RGS3: variants seen among roughly 807,000 people sequenced by gnomAD.
RGS3 encodes the protein regulator of G protein signaling 3.
RGS3 carries 80 observed loss-of-function variants against 132.6 expected under a neutral mutation model. That is an observed-to-expected ratio of 0.60 (90% CI 0.50 to 0.73). The LOEUF is 0.73. Among genes scored for constraint, RGS3 ranks in the 30% least tolerant of loss-of-function variants. The pLI, the probability that RGS3 is intolerant of heterozygous loss-of-function variation, is 0.00. For missense variants in RGS3, 1,382 were observed against 1,530.8 expected (o/e 0.90, Z 1.62); for synonymous variants, 598 against 620.6 (o/e 0.96, Z 0.54).
chr9:113,505,586 A>C, intron 11 of RGS3, 63 bp downstream of exon 9: 1 of 1,350,960 alleles, frequency 7.4e-7, no homozygotes, highest in Non-Finnish European at 1.1e-6. Context: ...CTTTGCAAAC[A>C]TAGTCTGGAA....
rs781202085 is a variant in RGS3 at position 113,507,223 on chromosome 9, C to T, written c.1086-64C>T. 4.8e-5 allele frequency: 65 copies of T among 1,365,298 alleles called. No individual in the cohort carries two copies. Among genetic ancestry groups the T allele is most frequent in the Non-Finnish European group, 6.4e-5 (63 of 989,864 alleles). The allele number at this position is 1,365,298 out of a possible 1,614,324, so 84.6% of individuals were successfully genotyped here. On this transcript the variant is annotated intron_variant, in intron 12 of 24. Transcript: ENST00000350696. This position sits in a 1 kb window ranked among gnomAD's most constrained non-coding sequence, Gnocchi z 5.0. ...CATTATCCTCTCTGCCCTGTGGGCC[C>T]TCACTCTGGCTGATACTGGCTTTCC...
chr9:113,527,267 C>A (rs1408740965), intron 17 of RGS3, among the ~76,000 whole-genome samples: 1 of 152,212 alleles, frequency 6.6e-6, no homozygotes. Flanking sequence ...ATCTCCTGGA[C>A]TTTCCTCTCC....
rs1199181606 is a variant in RGS3 at position 113,537,349 on chromosome 9, C to G, written c.2037+431C>G. Among the ~76,000 whole-genome samples, 1 of 152,186 alleles carries G rather than the reference C, an allele frequency of 6.6e-6. No individual in the cohort carries two copies. Among genetic ancestry groups the G allele is most frequent in the Non-Finnish European group, 1.5e-5 (1 of 68,040 alleles). On this transcript the variant is annotated intron_variant, in intron 19 of 24. Coordinates refer to ENST00000350696, the Ensembl canonical transcript of RGS3. This position sits in a 1 kb window ranked among gnomAD's most constrained non-coding sequence, Gnocchi z 4.3. ...TGTTTGCGGCAGAAGCTGTTGTATG[C>G]TGTATAGTTCCATGTGGGCCAGAGC...
intron 14 of RGS3, among the ~76,000 whole-genome samples, chr9:113,509,610 C>T (rs988235828): frequency 6.6e-6 from 1 of 152,178 alleles, no homozygotes; most frequent in Non-Finnish European, 1.5e-5. Context: ...TGAGATCCTT[C>T]GCGTGCCTGC....
At position 113,565,812 on chromosome 9, in the gene RGS3, C is replaced by A; in HGVS notation, c.2038-17638C>A. The A allele has an allele frequency of 5.2e-6, 1 of 193,066 alleles. No individual in the cohort carries two copies. Among genetic ancestry groups the A allele is most frequent in the African/African-American group, 2.4e-5 (1 of 42,456 alleles). 12.0% of individuals were successfully genotyped at this position (193,066 alleles called of 1,614,324 possible). A position where few individuals can be genotyped will look rare whatever the true frequency, so the allele number is the denominator to read the frequency against. The stretch of plus-strand genomic sequence containing the variant: ...GTGCCCCTGTTTCTATTGTTTCTTC[C>A]CCAGGGCAGCCATTGATAGGCATGT... On this transcript the variant is annotated intron_variant, in intron 19 of 24. Transcript: ENST00000350696. This position sits in a 1 kb window ranked among gnomAD's most constrained non-coding sequence, Gnocchi z 5.7.
chr9:113,576,943 A>G (rs905129495), intron 19 of RGS3, among the ~76,000 whole-genome samples: 2 of 152,234 alleles, frequency 1.3e-5, no homozygotes, highest in African/African-American at 2.4e-5. Flanking sequence ...TGGAGAGAGT[A>G]GAAACATTCT....
intron 19 of RGS3, chr9:113,564,899 G>A (rs1267260037): frequency 1.0e-6 from 1 of 991,170 alleles, no homozygotes; most frequent in Non-Finnish European, 1.2e-6. Flanking sequence ...GACAGGAACA[G>A]CGTCGGGGTG....
chr9:113,541,387 A>C, intron 19 of RGS3: 1 of 1,613,836 alleles, frequency 6.2e-7, no homozygotes, highest in Non-Finnish European at 8.5e-7. Flanking sequence ...GCCACCCAGG[A>C]TAGAAGCTTT....
intron 7 of RGS3, among the ~76,000 whole-genome samples, chr9:113,489,356 A>G (rs1338244458): frequency 6.6e-6 from 1 of 152,226 alleles, no homozygotes; most frequent in East Asian, 1.9e-4. Context: ...GTGCCGTGAA[A>G]ACAAGATGTA....
At chr9:113,469,305 C>G (rs1829751126) in intron 3 of RGS3, among the ~76,000 whole-genome samples, 1 of 152,092 alleles carries the variant, frequency 6.6e-6, no homozygotes, top group Admixed American at 6.5e-5. Context: ...TCCCACTGCT[C>G]TGAGCCTGGG....
At chr9:113,575,863 C>T (rs545283630) in intron 19 of RGS3, among the ~76,000 whole-genome samples, 1 of 152,154 alleles carries the variant, frequency 6.6e-6, no homozygotes, top group African/African-American at 2.4e-5. Flanking sequence ...CCGTTAAGAA[C>T]CAATAGTCTA....
intron 10 of RGS3, among the ~76,000 whole-genome samples, chr9:113,500,131 C>A (rs1830824059): frequency 6.6e-6 from 1 of 152,140 alleles, no homozygotes; most frequent in East Asian, 1.9e-4. Context: ...GGCCCTGAGC[C>A]CCTTGTTCTG....
At chr9:113,576,472 C>T (rs1834529202) in intron 19 of RGS3, among the ~76,000 whole-genome samples, 1 of 151,632 alleles carries the variant, frequency 6.6e-6, no homozygotes, top group Non-Finnish European at 1.5e-5. Flanking sequence ...GCTAGGATTA[C>T]AGGCGCCCAC....
In RGS3 at chr9:113,529,212, C is replaced by A. The variant is rs773119159; in HGVS notation, c.1871-9C>A. On this transcript the variant is annotated splice_polypyrimidine_tract_variant and intron_variant, in intron 17 of 24. Coordinates refer to ENST00000350696, the Ensembl canonical transcript of RGS3. ...TCTAATGCAAATCTTACTTTTTGTT[C>A]CCTCAAAGGTTCTTCAGAAGACCTG... 6.2e-7 allele frequency: 1 copy of A among 1,610,332 alleles called. No individual in the cohort carries two copies. The highest frequency in any genetic ancestry group is 2.2e-5 in the East Asian group (1 of 44,866).
At chr9:113,547,121 C>T (rs1213647738) in intron 19 of RGS3, among the ~76,000 whole-genome samples, 1 of 152,132 alleles carries the variant, frequency 6.6e-6, no homozygotes, top group African/African-American at 2.4e-5. Context: ...CAGTCACTGT[C>T]TTGAGACACA....
chr9:113,562,961 A>G (rs761939484), intron 19 of RGS3, among the ~76,000 whole-genome samples: 2 of 152,200 alleles, frequency 1.3e-5, no homozygotes, highest in Non-Finnish European at 2.9e-5. Context: ...GCCCTAGGCT[A>G]TACACTGGGA....
Position 113,506,352 on chromosome 9 carries a change from C to CA in RGS3, c.980-35dup. 6.9e-7 allele frequency: 1 copy of CA among 1,449,984 alleles called. No homozygotes were observed. Among genetic ancestry groups the CA allele is most frequent in the Non-Finnish European group, 9.5e-7 (1 of 1,050,782 alleles). 89.8% of individuals were successfully genotyped at this position (1,449,984 alleles called of 1,614,324 possible). ...GATCCTTTGAAGGGGTCTTAGGCTT[C>CA]AGGGGCCCCTGAATGGCTTTTCTTT... On this transcript the variant is annotated intron_variant, in intron 11 of 24. Transcript: ENST00000350696. This position sits in a 1 kb window ranked among gnomAD's most constrained non-coding sequence, Gnocchi z 4.7.
chr9:113,449,434 A>G (rs1189825129), intron 1 of RGS3, among the ~76,000 whole-genome samples: 2 of 152,212 alleles, frequency 1.3e-5, no homozygotes, highest in Non-Finnish European at 2.9e-5. Context: ...GTGGTTATAT[A>G]TACATTTTAC....
rs116826687 is a variant in RGS3, at chr9:113,460,748, G to A, written c.80+412G>A. Among the ~76,000 whole-genome samples the A allele has an allele frequency of 6.2e-3, 941 of 152,000 alleles. 14 individuals carry two copies. Among genetic ancestry groups the A allele is most frequent in the African/African-American group, 0.022 (902 of 41,486 alleles). ...GTTCCCTTTGTTATTATTTTTCTAA[G>A]TTTTCTTGGTTATTATTGGGCTAGA... On this transcript the variant is annotated intron_variant, in intron 1 of 24. Coordinates refer to ENST00000350696, the Ensembl canonical transcript of RGS3.
Sources: allele counts gnomAD v4.1 joint callset (sites outside exome capture counted in the v4.1 genomes callset), GRCh38; gene constraint gnomAD v4.1.1; non-coding constraint Gnocchi (gnomAD v3.1); transcripts MANE v1.5; gene names NCBI Gene and HGNC (gene_info 2026-07-23, HGNC 2026-07-21).